MID1: variants seen among roughly 807,000 people sequenced by gnomAD.
MID1 encodes the protein E3 ubiquitin-protein ligase Midline-1.
In MID1, 7 loss-of-function variants were observed where a neutral mutation model predicts 40.4. The ratio of observed to expected loss-of-function variants is 0.17; its 90% confidence interval spans 0.10 to 0.33. The LOEUF (loss-of-function observed/expected upper bound fraction) is 0.33, where lower values mean the gene tolerates loss of function less well. Among genes scored for constraint, MID1 ranks in the 10% least tolerant of loss-of-function variants. The pLI is 1.00. For missense variants in MID1, 367 were observed against 558.5 expected (o/e 0.66, Z 3.46); for synonymous variants, 229 against 221.2 (o/e 1.04, Z -0.31).
intron 1 of MID1, among the ~76,000 whole-genome samples, chrX:10,675,809 C>A (rs1424164097): frequency 1.8e-5 from 2 of 111,725 alleles, no homozygotes; most frequent in Non-Finnish European, 3.8e-5. Flanking sequence ...TGAGCTGATT[C>A]TTTGAAAATG....
chrX:10,644,794 CT>C (rs774390172), intron 1 of MID1, among the ~76,000 whole-genome samples: 2 of 111,496 alleles, frequency 1.8e-5, no homozygotes, highest in East Asian at 5.7e-4. Flanking sequence ...AACATTACTC[CT>C]TTTCAAACTC....
At chrX:10,460,969 T>C (rs934705404) in intron 7 of MID1, among the ~76,000 whole-genome samples, 34 of 110,857 alleles carry the variant, frequency 3.1e-4, no homozygotes, top group Non-Finnish European at 4.9e-4. Context: ...GAATACTTAC[T>C]TACTCCATCT....
At chrX:10,757,233 C>T (rs1314451355) in intron 1 of MID1, among the ~76,000 whole-genome samples, 6 of 112,276 alleles carry the variant, frequency 5.3e-5, no homozygotes, top group Non-Finnish European at 7.5e-5. Flanking sequence ...CACTTGGATC[C>T]AACACACTGC....
chrX:10,617,349 C>T lies in MID1; in HGVS notation c.-57+2941G>A, dbSNP rs764615032. 5.4e-5 allele frequency among the ~76,000 whole-genome samples: 6 copies of T among 111,974 alleles called. No individual in the cohort carries two copies. The East Asian group carries it at 1.4e-3, about 26-fold the overall frequency. On this transcript the variant is annotated intron_variant, in intron 1 of 9. Coordinates refer to ENST00000317552, the MANE Select transcript of MID1 (RefSeq NM_000381.4). ...CTAATCCTCAGAGGAAAGATTAATA[C>T]GAAGACTTTCATTATTAAGCCAGAT...
chrX:10,701,924 T>C (rs1384009909), intron 1 of MID1, among the ~76,000 whole-genome samples: 6 of 112,728 alleles, frequency 5.3e-5, no homozygotes, highest in African/African-American at 1.9e-4. Context: ...GTAAATAACA[T>C]TGACCACAAG....
intron 1 of MID1, among the ~76,000 whole-genome samples, chrX:10,570,573 T>A (rs1053654874): frequency 8.9e-6 from 1 of 112,577 alleles, no homozygotes; most frequent in Non-Finnish European, 1.9e-5. Context: ...TTAAATGTAC[T>A]GACTTTTCAG....
chrX:10,769,402 A>G (rs1438894666), intron 1 of MID1, among the ~76,000 whole-genome samples: 1 of 111,764 alleles, frequency 8.9e-6, no homozygotes, highest in East Asian at 2.8e-4. Flanking sequence ...CAGGGCCACC[A>G]AACAAAGGCA....
At chrX:10,603,886 C>T (rs1935577320) in intron 1 of MID1, among the ~76,000 whole-genome samples, 1 of 111,184 alleles carries the variant, frequency 9.0e-6, no homozygotes, top group Non-Finnish European at 1.9e-5. Flanking sequence ...AGGTTTGAGA[C>T]CAAAGATCTT....
intron 1 of MID1, among the ~76,000 whole-genome samples, chrX:10,671,226 T>C (rs1389413724): frequency 3.6e-5 from 4 of 111,907 alleles, no homozygotes; most frequent in Non-Finnish European, 5.6e-5. Context: ...CACAAAATTA[T>C]AATTGTTTGT....
intron 1 of MID1, among the ~76,000 whole-genome samples, chrX:10,774,810 G>A (rs919392298): frequency 9.0e-5 from 10 of 111,372 alleles, no homozygotes; most frequent in South Asian, 3.7e-4. Context: ...AAAGTCTTTC[G>A]TCAAATTCTG....
In MID1 at chrX:10,680,539, A is replaced by G. The variant is rs752055032; in HGVS notation, c.-186-60120T>C. On this transcript the variant is annotated intron_variant, in intron 1 of 10. Coordinates refer to the MID1 transcript ENST00000380785. ...GGGTTTTTTGTTTTTTGTTTTTTCT[A>G]TACTCAGTGATCTTTCCTTTTCAGT... 2.7e-5 allele frequency among the ~76,000 whole-genome samples: 3 copies of G among 111,696 alleles called. No homozygotes were observed. In the South Asian group the frequency reaches 1.1e-3, roughly 42 times the overall value.
At chrX:10,590,627 A>G (rs1160364000) in intron 1 of MID1, among the ~76,000 whole-genome samples, 1 of 112,391 alleles carries the variant, frequency 8.9e-6, no homozygotes, top group Non-Finnish European at 1.9e-5. Context: ...AATGTACTCT[A>G]TATAAGAACA....
chrX:10,581,206 G>A (rs775681360), intron 1 of MID1, among the ~76,000 whole-genome samples: 19 of 111,320 alleles, frequency 1.7e-4, no homozygotes, highest in East Asian at 1.7e-3. Flanking sequence ...CCGAGATTGC[G>A]CCACTGCACT....
intron 1 of MID1, among the ~76,000 whole-genome samples, chrX:10,608,279 T>TA (rs1379277692): frequency 1.8e-5 from 2 of 112,223 alleles, no homozygotes; most frequent in Admixed American, 1.9e-4. Flanking sequence ...AATGCAAACT[T>TA]ACAGTCATAC....
chrX:10,585,502 G>C (rs1449572720), intron 1 of MID1, among the ~76,000 whole-genome samples: 1 of 112,302 alleles, frequency 8.9e-6, no homozygotes, highest in East Asian at 2.8e-4. Flanking sequence ...GACACATTCA[G>C]TTCATCATAG....
At chrX:10,755,081 G>A (rs977933454) in intron 1 of MID1, among the ~76,000 whole-genome samples, 2 of 111,823 alleles carry the variant, frequency 1.8e-5, no homozygotes, top group Non-Finnish European at 3.8e-5. Context: ...GCAAGAAAAC[G>A]TTAGTGTAAA....
chrX:10,450,339 G>C (rs765913684), intron 9 of MID1, among the ~76,000 whole-genome samples: 1 of 112,268 alleles, frequency 8.9e-6, no homozygotes, highest in East Asian at 2.8e-4. Context: ...ACTTTGCCAA[G>C]GGCAAGCACA....
chrX:10,574,576 G>A (rs1335412528), intron 1 of MID1, among the ~76,000 whole-genome samples: 1 of 111,815 alleles, frequency 8.9e-6, no homozygotes, highest in African/African-American at 3.3e-5. Context: ...TCCCTTAATG[G>A]AGGCATTGAC....
chrX:10,633,377 G>T (rs1936073022), intron 1 of MID1, among the ~76,000 whole-genome samples: 1 of 111,511 alleles, frequency 9.0e-6, no homozygotes, highest in South Asian at 3.8e-4. Context: ...TGTTAAAAGG[G>T]TATGTTAAAA....
Sources: allele counts gnomAD v4.1 joint callset (sites outside exome capture counted in the v4.1 genomes callset), GRCh38; gene constraint gnomAD v4.1.1; transcripts MANE v1.5; gene names NCBI Gene and HGNC (gene_info 2026-07-23, HGNC 2026-07-21).